CAMTA1: variants seen among roughly 807,000 people sequenced by gnomAD.
CAMTA1 encodes calmodulin-binding transcription activator 1.
A neutral mutation model predicts 170.9 loss-of-function variants in CAMTA1; 27 were observed. The observed-to-expected ratio is 0.16, with a 90% CI of 0.12 to 0.22. CAMTA1 has a LOEUF of 0.22. Among genes scored for constraint, CAMTA1 ranks in the 10% least tolerant of loss-of-function variants. CAMTA1 has a pLI of 1.00. For synonymous variants in CAMTA1, 833 were observed against 891.5 expected (o/e 0.93, Z 1.17); for missense variants, 1,619 against 2,217.2 (o/e 0.73, Z 5.42).
intron 4 of CAMTA1, among the ~76,000 whole-genome samples, chr1:7,103,600 T>C (rs1040122388): frequency 1.6e-5 from 2 of 121,860 alleles, no homozygotes; most frequent in African/African-American, 6.8e-5. Flanking sequence ...ACAACACACA[T>C]GTACACAACT....
In CAMTA1 at chr1:7,234,474, C is replaced by T. The variant is rs1439383412; in HGVS notation, c.303-15017C>T. Among the ~76,000 whole-genome samples the T allele has an allele frequency of 6.6e-6, 1 of 152,216 alleles. No homozygotes were observed. The highest frequency in any genetic ancestry group is 2.4e-5 in the African/African-American group (1 of 41,452). ...TGTGCGTCATTGTTCTTCCTCCCTA[C>T]CGGACTGCAAGCTGTGCAGAGGCAG... On this transcript the variant is annotated intron_variant, in intron 4 of 22. Coordinates refer to ENST00000303635, the MANE Select transcript of CAMTA1 (RefSeq NM_015215.4). The surrounding 1 kb of genome is among the most constrained non-coding windows in gnomAD (Gnocchi z 5.0).
intron 16 of CAMTA1, among the ~76,000 whole-genome samples, chr1:7,741,561 C>CAA (rs368850510): frequency 7.3e-6 from 1 of 137,360 alleles, no homozygotes; most frequent in Admixed American, 7.3e-5. Flanking sequence ...GACTCTCTCT[C>CAA]AAAAAAAAAA....
Position 7,234,129 on chromosome 1 carries a change from T to G in CAMTA1, c.303-15362T>G, listed in dbSNP as rs1316646694. 6.6e-6 allele frequency among the ~76,000 whole-genome samples: 1 copy of G among 152,190 alleles called. No homozygotes were observed. The highest frequency in any genetic ancestry group is 2.4e-5 in the African/African-American group (1 of 41,450). ...ACTCTTACAGTAAAATCCACCCTGG[T>G]TCAGGAGCCCAGATTACTTGGGGTG... On this transcript the variant is annotated intron_variant, in intron 4 of 22. Coordinates refer to ENST00000303635, the MANE Select transcript of CAMTA1 (RefSeq NM_015215.4). The surrounding 1 kb of genome is among the most constrained non-coding windows in gnomAD (Gnocchi z 5.0).
At chr1:7,477,502 C>T (rs954725418) in intron 6 of CAMTA1, among the ~76,000 whole-genome samples, 6 of 152,188 alleles carry the variant, frequency 3.9e-5, no homozygotes, top group African/African-American at 7.2e-5. Flanking sequence ...CACGGCAGAG[C>T]GGACAGTATT....
chr1:6,890,832 A>G (rs1419417119), intron 3 of CAMTA1, among the ~76,000 whole-genome samples: 2 of 152,016 alleles, frequency 1.3e-5, no homozygotes, highest in African/African-American at 4.8e-5. Context: ...TTTCCTCCCC[A>G]AATGCTAGGA....
rs975950204 is a variant in CAMTA1 at position 7,259,475 on chromosome 1, G to A, written c.438+9849G>A. On this transcript the variant is annotated intron_variant, in intron 5 of 22. Coordinates refer to ENST00000303635, the MANE Select transcript of CAMTA1 (RefSeq NM_015215.4). ...CCAGATCTACAGAATCCAAGTCTGC[G>A]TCTTAGTATGAGCCCCAGGTGGTTC... Among the ~76,000 whole-genome samples, 12 of 152,176 alleles carry A rather than the reference G, an allele frequency of 7.9e-5. No homozygotes were observed. In the South Asian group the frequency reaches 1.7e-3, roughly 21 times the overall value.
intron 5 of CAMTA1, chr1:7,368,994 C>G (rs778427611): frequency 4.6e-5 from 7 of 152,316 alleles, no homozygotes; most frequent in Non-Finnish European, 1.0e-4. Context: ...GGAGTTCAGT[C>G]AAAGCTGACA....
intron 5 of CAMTA1, among the ~76,000 whole-genome samples, chr1:7,284,126 GTTC>G (rs202166286): frequency 0.068 from 7,279 of 106,814 alleles, 297 homozygotes; most frequent in Non-Finnish European, 0.088. Context: ...ATTTGCTGCT[GTTC>G]TTCTTCTTCT....
intron 3 of CAMTA1, among the ~76,000 whole-genome samples, chr1:7,059,267 C>T (rs1707845717): frequency 6.6e-6 from 1 of 152,094 alleles, no homozygotes; most frequent in Non-Finnish European, 1.5e-5. Context: ...ATAATTTTGT[C>T]AAGGAGGTGG....
intron 3 of CAMTA1, among the ~76,000 whole-genome samples, chr1:6,990,803 C>CTA (rs552350671): frequency 0.01 from 1,305 of 129,610 alleles, 18 homozygotes; most frequent in South Asian, 0.05. Context: ...CTCTCTCTCT[C>CTA]TCTATATATA....
intron 3 of CAMTA1, among the ~76,000 whole-genome samples, chr1:7,073,822 A>G (rs969342076): frequency 1.3e-5 from 2 of 152,220 alleles, no homozygotes; most frequent in Non-Finnish European, 1.5e-5. Flanking sequence ...GAGGCAGGCA[A>G]TATAAACACT....
intron 1 of CAMTA1, among the ~76,000 whole-genome samples, chr1:6,791,817 C>T (rs941457294): frequency 1.3e-5 from 2 of 152,158 alleles, no homozygotes; most frequent in Non-Finnish European, 2.9e-5. Flanking sequence ...ATCCGACTAT[C>T]ATATCCTTTT....
intron 2 of CAMTA1, among the ~76,000 whole-genome samples, chr1:6,821,942 A>C (rs1005444086): frequency 6.6e-6 from 1 of 152,306 alleles, no homozygotes; most frequent in Non-Finnish European, 1.5e-5. Flanking sequence ...CTTTAGAATT[A>C]GAGTTGTCAG....
chr1:7,281,443 C>T (rs1421280391), intron 5 of CAMTA1, among the ~76,000 whole-genome samples: 2 of 152,044 alleles, frequency 1.3e-5, no homozygotes, highest in African/African-American at 4.8e-5. Flanking sequence ...GGATTTCATC[C>T]CCTTGAATTT....
intron 4 of CAMTA1, among the ~76,000 whole-genome samples, chr1:7,215,364 A>G (rs1311804436): frequency 6.6e-6 from 1 of 152,232 alleles, no homozygotes; most frequent in East Asian, 1.9e-4. Context: ...ACTGTTTTAA[A>G]TATGTCTCAT....
chr1:7,747,933 A>C, intron 19 of CAMTA1, 152 bp downstream of exon 19: 1 of 539,314 alleles, frequency 1.9e-6, no homozygotes, highest in Non-Finnish European at 3.2e-6. Context: ...TTTTTTTTGA[A>C]ACGGAGTCTG....
chr1:7,398,175 CTCTCTCTCTCTCTCTCTCTATA>C (rs1205460841), intron 5 of CAMTA1, among the ~76,000 whole-genome samples: 2 of 40,578 alleles, frequency 4.9e-5, no homozygotes, highest in African/African-American at 2.0e-4. Flanking sequence ...CTCTCTCTCT[CTCTCTCTCTCTCTCTCTCTATA>C]TATATATATA....
intron 5 of CAMTA1, among the ~76,000 whole-genome samples, chr1:7,369,314 G>A (rs116026946): frequency 0.014 from 2,127 of 152,246 alleles, 52 homozygotes; most frequent in African/African-American, 0.048. Context: ...GAAGAACAGA[G>A]TTCAGACTTG....
intron 1 of CAMTA1, among the ~76,000 whole-genome samples, chr1:6,816,523 G>A (rs988054355): frequency 2.0e-5 from 3 of 152,316 alleles, no homozygotes; most frequent in South Asian, 2.1e-4. Context: ...CCCTGTGGGC[G>A]AGAGGCTTCC....
Sources: allele counts gnomAD v4.1 joint callset (sites outside exome capture counted in the v4.1 genomes callset), GRCh38; gene constraint gnomAD v4.1.1; non-coding constraint Gnocchi (gnomAD v3.1); transcripts MANE v1.5; gene names NCBI Gene and HGNC (gene_info 2026-07-23, HGNC 2026-07-21).